The following DCLK1 variants were observed in gnomAD, a reference collection of about 807,000 sequenced individuals.
The protein encoded by DCLK1 is doublecortin like kinase 1.
Under a neutral mutation model 86.2 loss-of-function variants are expected in DCLK1, and 16 were observed. The observed-to-expected ratio is 0.19, with a 90% confidence interval of 0.13 to 0.28. The LOEUF is 0.28. Among genes scored for constraint, DCLK1 ranks in the 10% least tolerant of loss-of-function variants. The probability of loss-of-function intolerance (pLI) is 1.00; values close to 1 mark genes in which losing one functional copy is unlikely to be tolerated. For missense variants in DCLK1, 590 were observed against 940.2 expected (o/e 0.63, Z 4.87); for synonymous variants, 369 against 370.5 (o/e 1.00, Z 0.05).
At chr13:35,981,126 C>T (rs1259672626) in intron 3 of DCLK1, among the ~76,000 whole-genome samples, 1 of 151,986 alleles carries the variant, frequency 6.6e-6, no homozygotes, top group East Asian at 1.9e-4. Flanking sequence ...TTTCATAATG[C>T]TATAAGGTTT....
intron 4 of DCLK1, among the ~76,000 whole-genome samples, chr13:35,872,655 C>A (rs552425226): frequency 6.6e-6 from 1 of 151,986 alleles, no homozygotes; most frequent in Non-Finnish European, 1.5e-5. Flanking sequence ...AAATATTTAC[C>A]GACCCTTTTC....
intron 3 of DCLK1, among the ~76,000 whole-genome samples, chr13:36,069,536 C>T (rs1178863321): frequency 6.6e-6 from 1 of 152,156 alleles, no homozygotes; most frequent in Non-Finnish European, 1.5e-5. Context: ...AGGGTGGTGA[C>T]AGGAAATGAC....
intron 3 of DCLK1, among the ~76,000 whole-genome samples, chr13:35,971,766 A>G (rs2153139620): frequency 6.6e-6 from 1 of 151,516 alleles, no homozygotes; most frequent in South Asian, 2.1e-4. Flanking sequence ...TCCATCTCAA[A>G]AAAAAAAAAA....
chr13:36,092,764 G>A (rs1884880856), intron 3 of DCLK1, among the ~76,000 whole-genome samples: 2 of 151,522 alleles, frequency 1.3e-5, no homozygotes, highest in African/African-American at 4.9e-5. Flanking sequence ...GGGATTACAG[G>A]CGTGAGCCAC....
intron 4 of DCLK1, among the ~76,000 whole-genome samples, chr13:35,934,826 C>T (rs936709062): frequency 1.3e-5 from 2 of 152,112 alleles, no homozygotes; most frequent in African/African-American, 4.8e-5. Flanking sequence ...ACATCGCTTT[C>T]ATTATTGTAA....
At chr13:35,868,971 A>G in intron 5 of DCLK1, 1 of 369,834 alleles carries the variant, frequency 2.7e-6, no homozygotes, top group Non-Finnish European at 5.4e-6. Flanking sequence ...TTGTATTTTT[A>G]GTAGAGATGG....
chr13:35,986,043 C>A (rs1879887451), intron 3 of DCLK1, among the ~76,000 whole-genome samples: 1 of 151,960 alleles, frequency 6.6e-6, no homozygotes, highest in Non-Finnish European at 1.5e-5. Flanking sequence ...GTGGGTCATG[C>A]CTGTAATCCC....
At chr13:36,021,220 C>G (rs996324378) in intron 3 of DCLK1, among the ~76,000 whole-genome samples, 1 of 138,012 alleles carries the variant, frequency 7.2e-6, no homozygotes. Flanking sequence ...TTGTATTCCT[C>G]GGGATAGCCA....
chr13:35,894,973 G>A (rs370716140), intron 4 of DCLK1, among the ~76,000 whole-genome samples: 1 of 152,150 alleles, frequency 6.6e-6, no homozygotes, highest in African/African-American at 2.4e-5. Flanking sequence ...TTGAGACAGG[G>A]TCTAGCTCTG....
At position 35,768,790 on chromosome 13, in the gene DCLK1, G is replaced by A. The variant is rs544609373; in HGVS notation, c.*5745C>T. ...CACACTGTGCTATGGAGGACATGTG[G>A]GAAAGCTACACTCTGACCGCATGAC... On this transcript the variant is annotated 3_prime_UTR_variant, in exon 17 of 17. Transcript: ENST00000360631. The A allele has an allele frequency of 6.6e-6, 1 of 152,308 alleles. No homozygotes were observed. Among genetic ancestry groups the A allele is most frequent in the East Asian group, 1.9e-4 (1 of 5,186 alleles). The allele number at this position is 152,308 out of a possible 1,614,324, so 9.4% of individuals were successfully genotyped here.
intron 3 of DCLK1, among the ~76,000 whole-genome samples, chr13:36,058,069 A>G (rs1883401375): frequency 6.6e-6 from 1 of 152,214 alleles, no homozygotes; most frequent in Non-Finnish European, 1.5e-5. Context: ...CAGTGCTCTA[A>G]TAGGACATTC....
chr13:35,790,679 T>C (rs2086694984), intron 16 of DCLK1, among the ~76,000 whole-genome samples: 1 of 152,180 alleles, frequency 6.6e-6, no homozygotes, highest in Non-Finnish European at 1.5e-5. Context: ...TCCTGAACTT[T>C]TAATGATGTG....
At chr13:36,056,868 C>T (rs1048764065) in intron 3 of DCLK1, among the ~76,000 whole-genome samples, 1 of 137,760 alleles carries the variant, frequency 7.3e-6, no homozygotes, top group Non-Finnish European at 1.5e-5. Context: ...TGCACTCCAG[C>T]CTGGGCGACA....
At chr13:36,128,974 C>T (rs1208674091) in intron 1 of DCLK1, among the ~76,000 whole-genome samples, 1 of 152,146 alleles carries the variant, frequency 6.6e-6, no homozygotes, top group East Asian at 1.9e-4. Context: ...GTGGAAGACA[C>T]TCCCAGTACT....
intron 11 of DCLK1, among the ~76,000 whole-genome samples, chr13:35,816,003 C>A (rs1050557811): frequency 6.6e-6 from 1 of 152,112 alleles, no homozygotes. Flanking sequence ...TGAACGGAAA[C>A]TCCAGGAAAC....
At chr13:36,121,761 A>T (rs928232233) in intron 2 of DCLK1, among the ~76,000 whole-genome samples, 1 of 152,136 alleles carries the variant, frequency 6.6e-6, no homozygotes, top group Non-Finnish European at 1.5e-5. Context: ...ATAAGGGGGC[A>T]TTGCTGTATA....
rs1028278378 is a variant in DCLK1 at position 35,980,433 on chromosome 13, G to A, written c.724-32976C>T. Among the ~76,000 whole-genome samples the A allele has an allele frequency of 3.9e-5, 6 of 152,304 alleles. No individual in the cohort carries two copies. The East Asian group carries it at 9.6e-4, about 24-fold the overall frequency. On this transcript the variant is annotated intron_variant, in intron 3 of 16. Coordinates refer to ENST00000360631, the MANE Select transcript of DCLK1 (RefSeq NM_001330071.2). ...TCGACCACTGCACTCCAGCCTGACA[G>A]AGGGAGACCCTGTGTCAAACAAAAC...
chr13:35,812,695 T>C (rs2087172358), intron 11 of DCLK1, among the ~76,000 whole-genome samples: 1 of 152,228 alleles, frequency 6.6e-6, no homozygotes, highest in South Asian at 2.1e-4. Flanking sequence ...AAATATTCTT[T>C]TACGTTTTCT....
At chr13:35,860,160 G>A (rs937411467) in intron 5 of DCLK1, among the ~76,000 whole-genome samples, 1 of 152,178 alleles carries the variant, frequency 6.6e-6, no homozygotes, top group Non-Finnish European at 1.5e-5. Context: ...TGGGTTTGGG[G>A]GTGGCGATTC....
Sources: allele counts gnomAD v4.1 joint callset (sites outside exome capture counted in the v4.1 genomes callset), GRCh38; gene constraint gnomAD v4.1.1; transcripts MANE v1.5; gene names NCBI Gene and HGNC (gene_info 2026-07-23, HGNC 2026-07-21).